The following CTNNA3 variants were observed in gnomAD, a reference collection of about 807,000 sequenced individuals.
The protein encoded by CTNNA3 is catenin alpha 3.
CTNNA3 carries 76 observed loss-of-function variants against 95.7 expected under a neutral mutation model. The ratio of observed to expected loss-of-function variants is 0.79; its 90% CI spans 0.66 to 0.96. The LOEUF (loss-of-function observed/expected upper bound fraction) is 0.96, where lower values mean the gene tolerates loss of function less well. Ranked by LOEUF, CTNNA3 falls within the 40% of genes least tolerant of loss-of-function variation. The pLI is 0.00. For synonymous variants in CTNNA3, 431 were observed against 374.4 expected, an observed-to-expected ratio of 1.15 and a Z score of -1.74; for missense variants, 1,191 against 1,089.8, an observed-to-expected ratio of 1.09 and a Z score of -1.31.
chr10:65,916,565 A>C lies in CTNNA3; in HGVS notation c.*3765T>G, dbSNP rs539014145. The C allele has an allele frequency of 2.6e-5, 4 of 152,270 alleles. No individual in the cohort carries two copies. Among genetic ancestry groups the C allele is most frequent in the Non-Finnish European group, 4.4e-5 (3 of 68,014 alleles). 9.4% of individuals were successfully genotyped at this position (152,270 alleles called of 1,614,324 possible). On this transcript the variant is annotated 3_prime_UTR_variant, in exon 18 of 18. Coordinates refer to ENST00000433211, the MANE Select transcript of CTNNA3 (RefSeq NM_013266.4). ...GACAGAAATGAACATTTGATACCAA[A>C]ATTTAAGAATGTTTTGGGGAATAGA...
chr10:67,360,206 C>T (rs951725054), intron 5 of CTNNA3, among the ~76,000 whole-genome samples: 2 of 151,816 alleles, frequency 1.3e-5, no homozygotes, highest in Non-Finnish European at 2.9e-5. Flanking sequence ...TTTAAGGGAG[C>T]CCTAAACATA....
chr10:66,520,245 C>CTTTTTTTTTTTT (rs543882241), intron 11 of CTNNA3, among the ~76,000 whole-genome samples: 3 of 78,010 alleles, frequency 3.8e-5, no homozygotes, highest in Non-Finnish European at 6.8e-5. Context: ...TAGTATTATT[C>CTTTTTTTTTTTT]TTTTTTTTTT....
At chr10:66,350,833 T>C (rs1405812711) in intron 12 of CTNNA3, among the ~76,000 whole-genome samples, 7 of 151,980 alleles carry the variant, frequency 4.6e-5, no homozygotes, top group Admixed American at 2.6e-4. Context: ...TTTTACTTAG[T>C]GTACTGTAAA....
chr10:66,585,912 T>G (rs1475743917), intron 10 of CTNNA3, among the ~76,000 whole-genome samples: 1 of 152,150 alleles, frequency 6.6e-6, no homozygotes, highest in East Asian at 1.9e-4. Context: ...TATTTTAAAA[T>G]TAGTTTTTGA....
chr10:67,691,178 T>A (rs1273371898), intron 1 of CTNNA3, among the ~76,000 whole-genome samples: 2 of 152,046 alleles, frequency 1.3e-5, no homozygotes, highest in South Asian at 4.2e-4. Flanking sequence ...GCAGATGGAG[T>A]CTCGTTCACT....
intron 7 of CTNNA3, among the ~76,000 whole-genome samples, chr10:66,786,013 C>T (rs936269795): frequency 1.3e-5 from 2 of 152,068 alleles, no homozygotes. Context: ...CAGGTAGTTG[C>T]TGTAAGTTGG....
At chr10:67,668,128 A>G (rs1840363820) in intron 1 of CTNNA3, among the ~76,000 whole-genome samples, 1 of 152,154 alleles carries the variant, frequency 6.6e-6, no homozygotes, top group South Asian at 2.1e-4. Flanking sequence ...TGGTTTTCGC[A>G]GGTGCCTTAA....
intron 10 of CTNNA3, among the ~76,000 whole-genome samples, chr10:66,604,732 G>A (rs140174013): frequency 7.4e-5 from 11 of 149,102 alleles, no homozygotes; most frequent in African/African-American, 2.7e-4. Flanking sequence ...AAGCCAGTTG[G>A]CAGAATTCAC....
chr10:67,698,848 C>CA (rs60228246), upstream of CTNNA3, among the ~76,000 whole-genome samples: 16,721 of 143,658 alleles, frequency 0.12, 1,347 homozygotes, highest in African/African-American at 0.24. Context: ...ACTATTAATA[C>CA]AAAAAAAAAA....
At chr10:67,745,511 G>T (rs568547016) in intron 1 of CTNNA3, among the ~76,000 whole-genome samples, 40 of 147,984 alleles carry the variant, frequency 2.7e-4, no homozygotes, top group Admixed American at 2.1e-3. Flanking sequence ...GACTGTTGTG[G>T]GGTGGGGGGG....
intron 9 of CTNNA3, among the ~76,000 whole-genome samples, chr10:66,659,973 G>A (rs1206301235): frequency 6.6e-6 from 1 of 151,996 alleles, no homozygotes; most frequent in Non-Finnish European, 1.5e-5. Flanking sequence ...TGACAATATT[G>A]ACAATATTCC....
chr10:66,545,873 C>T (rs899605193), intron 10 of CTNNA3, among the ~76,000 whole-genome samples: 1 of 151,422 alleles, frequency 6.6e-6, no homozygotes, highest in Non-Finnish European at 1.5e-5. Context: ...TAGCTTCTGT[C>T]TTTGTATATT....
chr10:65,944,962 T>C (rs529234679), intron 17 of CTNNA3, among the ~76,000 whole-genome samples: 2 of 152,070 alleles, frequency 1.3e-5, no homozygotes. Flanking sequence ...AAGTAACAGC[T>C]AAAGGAGATG....
intron 15 of CTNNA3, among the ~76,000 whole-genome samples, chr10:65,997,612 G>A (rs761870517): frequency 5.3e-5 from 8 of 152,184 alleles, no homozygotes; most frequent in Non-Finnish European, 1.2e-4. Context: ...TAAACTCAGA[G>A]AGTACCGGAA....
intron 13 of CTNNA3, among the ~76,000 whole-genome samples, chr10:66,266,369 C>T (rs1457217982): frequency 2.6e-5 from 4 of 151,930 alleles, no homozygotes; most frequent in Admixed American, 6.6e-5. Flanking sequence ...TGTCTTTCAG[C>T]CTTCTCTGAT....
intron 9 of CTNNA3, among the ~76,000 whole-genome samples, chr10:66,683,410 A>G (rs1847136949): frequency 6.6e-6 from 1 of 152,314 alleles, no homozygotes; most frequent in Middle Eastern, 3.4e-3. Flanking sequence ...TTGTTAGGAA[A>G]CAGTAAATTA....
intron 16 of CTNNA3, among the ~76,000 whole-genome samples, chr10:65,986,459 C>A (rs2133318903): frequency 6.6e-6 from 1 of 151,280 alleles, no homozygotes; most frequent in African/African-American, 2.4e-5. Context: ...GCAAGCAATC[C>A]TATTTCTCAT....
chr10:66,055,571 T>C (rs955348027), intron 15 of CTNNA3, among the ~76,000 whole-genome samples: 2 of 152,216 alleles, frequency 1.3e-5, no homozygotes, highest in African/African-American at 2.4e-5. Flanking sequence ...TTTTGTAGCC[T>C]GAAACTTTAC....
At chr10:67,277,511 G>C (rs1839225852) in intron 5 of CTNNA3, among the ~76,000 whole-genome samples, 1 of 152,246 alleles carries the variant, frequency 6.6e-6, no homozygotes, top group Admixed American at 6.5e-5. Flanking sequence ...CTTTGAACCA[G>C]AGCAACTTCA....
Sources: allele counts gnomAD v4.1 joint callset (sites outside exome capture counted in the v4.1 genomes callset), GRCh38; gene constraint gnomAD v4.1.1; transcripts MANE v1.5; gene names NCBI Gene and HGNC (gene_info 2026-07-23, HGNC 2026-07-21).